Variants in KLK10 observed in about 807,000 individuals in gnomAD.
KLK10 encodes the protein kallikrein-10.
A neutral mutation model predicts 25.7 loss-of-function variants in KLK10; 27 were observed. That is an observed-to-expected ratio of 1.05 (90% confidence interval 0.77 to 1.45). KLK10 has a LOEUF of 1.45. Among genes scored for constraint, KLK10 ranks in the 40% most tolerant of loss-of-function variants. The pLI, the probability that KLK10 is intolerant of heterozygous loss-of-function variation, is 0.00. For synonymous variants in KLK10, 173 were observed against 160.1 expected, an observed-to-expected ratio of 1.08 and a Z score of -0.61; for missense variants, 386 against 370.0, an observed-to-expected ratio of 1.04 and a Z score of -0.35.
chr19:51,019,978 G>C (rs1256937753), upstream of KLK10: 1 of 152,136 alleles, frequency 6.6e-6, no homozygotes, highest in Non-Finnish European at 1.5e-5. The surrounding 1 kb of genome is among the most constrained non-coding windows in gnomAD (Gnocchi z 4.2). Context: ...GGCTTCCCAG[G>C]CGCGGGGAGA....
chr19:51,017,407 G>A lies in KLK10; in HGVS notation c.89-117C>T, dbSNP rs888327266. 1.5e-5 allele frequency: 14 copies of A among 903,320 alleles called. No homozygotes were observed. In the African/African-American group the frequency reaches 2.2e-4, roughly 14 times the overall value. 56.0% of individuals were successfully genotyped at this position (903,320 alleles called of 1,614,324 possible). ...GACGGGGGACGCAGCCAGAACGCGA[G>A]GGTGGTAGGGAAATATTGGGGGTTT... is the stretch of plus-strand genomic sequence containing the variant. On this transcript the variant is annotated intron_variant, in intron 2 of 5. Transcript: ENST00000358789.
intron 2 of KLK10, 115 bp downstream of exon 2, chr19:51,018,927 TG>T: frequency 1.3e-6 from 1 of 766,662 alleles, no homozygotes; most frequent in Non-Finnish European, 2.1e-6. Flanking sequence ...GAGCGCTGGG[TG>T]GGTGCTGGGG....
Position 51,013,787 on chromosome 19 carries a change from A to G in KLK10, c.*1013T>C, listed in dbSNP as rs965353706. 6.5e-6 allele frequency: 1 copy of G among 153,666 alleles called. No individual in the cohort carries two copies. The highest frequency in any genetic ancestry group is 2.4e-5 in the African/African-American group (1 of 41,420). The allele number at this position is 153,666 out of a possible 1,614,324, so 9.5% of individuals were successfully genotyped here. ...GTATTAACTCCCCTTCCCTCCCCCA[A>G]TTTCAGGGAGAATCAAACAATTCCT... On this transcript the variant is annotated 3_prime_UTR_variant, in exon 6 of 6. Coordinates refer to ENST00000358789, the MANE Select transcript of KLK10 (RefSeq NM_145888.3).
rs3745536 is a variant in KLK10 at position 51,017,373 on chromosome 19, G to A, written c.89-83C>T. The A allele has an allele frequency of 3.3e-3, 4,350 of 1,300,184 alleles. 105 individuals are homozygous for A. The East Asian group carries it at 0.069, about 21-fold the overall frequency. 80.5% of individuals were successfully genotyped at this position (1,300,184 alleles called of 1,614,324 possible). A position where few individuals can be genotyped will look rare whatever the true frequency, so the allele number is the denominator to read the frequency against. On this transcript the variant is annotated intron_variant, in intron 2 of 5. Coordinates refer to ENST00000358789, the MANE Select transcript of KLK10 (RefSeq NM_145888.3). Reference sequence around the variant, plus strand: ...TGGAGCTGGGCTGTGGCACTGGACTGCGTTCGGGGACGGGGGACGCAGCCA... The same window carrying A: ...TGGAGCTGGGCTGTGGCACTGGACTACGTTCGGGGACGGGGGACGCAGCCA...
At chr19:51,015,360 C>T in intron 5 of KLK10, 57 bp downstream of exon 5, 1 of 1,586,834 alleles carries the variant, frequency 6.3e-7, no homozygotes, top group Non-Finnish European at 8.6e-7. Flanking sequence ...GCTCTTTTCC[C>T]ATAACCTCCC....
chr19:51,015,886 C>T lies in KLK10; in HGVS notation c.540G>A (p.Arg180=). The part of the protein sequence containing the change: ...QVAGWGTTAA[R]RVKYNKGLTC... ...CCTCAGAGCCCCAGCTCTTGCCTCT[C>T]CGGGCGGCCGTGGTGCCCCAGCCAG... Residue 180 remains arginine, a synonymous_variant, in exon 4 of 6, where the codon CGG becomes CGA. Coordinates refer to ENST00000358789, the MANE Select transcript of KLK10 (RefSeq NM_145888.3). The T allele has an allele frequency of 6.5e-7, 1 of 1,545,182 alleles. No individual in the cohort carries two copies. Among genetic ancestry groups the T allele is most frequent in the South Asian group, 1.2e-5 (1 of 83,298 alleles).
chr19:51,014,918 G>T lies in KLK10; in HGVS notation c.713C>A (p.Thr238Asn). 6.2e-7 allele frequency: 1 copy of T among 1,613,996 alleles called. No individual in the cohort carries two copies. Among genetic ancestry groups the T allele is most frequent in the Non-Finnish European group, 8.5e-7 (1 of 1,179,970 alleles). Reference sequence around the variant, plus strand: ...ACCCCACGAGAGGATGCCTTGGAGGGTCTCGTCACAGACCAGGGGGCCTCC... The same window carrying T: ...ACCCCACGAGAGGATGCCTTGGAGGTTCTCGTCACAGACCAGGGGGCCTCC... ...DSGGPLVCDE[T>N]LQGILSWGVY... The change falls in exon 6 of 6, where the codon ACC becomes AAC. Residue 238 changes from threonine (T) to asparagine (N), a missense_variant. Thr to Asn is a moderately conservative substitution (Grantham distance 65). Coordinates refer to ENST00000358789, the MANE Select transcript of KLK10 (RefSeq NM_145888.3).
Position 51,019,179 on chromosome 19 carries a change from C to G in KLK10, c.-9-40G>C, listed in dbSNP as rs2091377041. The G allele has an allele frequency of 2.9e-6, 4 of 1,371,748 alleles. No homozygotes were observed. The highest frequency in any genetic ancestry group is 2.5e-5 in the South Asian group (2 of 80,218). The allele number at this position is 1,371,748 out of a possible 1,614,324, so 85.0% of individuals were successfully genotyped here. A position where few individuals can be genotyped will look rare whatever the true frequency, so the allele number is the denominator to read the frequency against. On this transcript the variant is annotated intron_variant, in intron 1 of 5. Transcript: ENST00000358789. This position sits in a 1 kb window ranked among gnomAD's most constrained non-coding sequence, Gnocchi z 4.2. ...GCAGGGGCGGGTTAAAACAGATGCTCCGTTAGAGACCCCCACCTCGCCGCG... is the reference window on the plus strand; with the variant it reads ...GCAGGGGCGGGTTAAAACAGATGCTGCGTTAGAGACCCCCACCTCGCCGCG...
chr19:51,018,180 A>G (rs1253289135), intron 2 of KLK10, among the ~76,000 whole-genome samples: 2 of 138,208 alleles, frequency 1.4e-5, no homozygotes, highest in Admixed American at 7.6e-5. Context: ...AAAAAAAAAA[A>G]AAAAAAGAAG....
chr19:51,015,604 GC>G, intron 4 of KLK10, 54 bp from the exon 5 acceptor site: 1 of 1,574,050 alleles, frequency 6.4e-7, no homozygotes, highest in Non-Finnish European at 8.7e-7. Context: ...TCCTTGGGGA[GC>G]CAGGAGTCCA....
upstream of KLK10, chr19:51,019,826 T>C (rs1431670168): frequency 6.9e-6 from 1 of 145,352 alleles, no homozygotes; most frequent in Non-Finnish European, 1.5e-5. This position sits in a 1 kb window ranked among gnomAD's most constrained non-coding sequence, Gnocchi z 4.2. Context: ...GTACCGTGGG[T>C]GAGGCTGGCA....
intron 4 of KLK10, 65 bp from the exon 5 acceptor site, chr19:51,015,615 A>G: frequency 6.4e-7 from 1 of 1,552,686 alleles, no homozygotes. Context: ...CCAGGAGTCC[A>G]GATACAAGAC....
intron 4 of KLK10, 108 bp downstream of exon 4, chr19:51,015,774 C>G: frequency 8.0e-7 from 1 of 1,246,304 alleles, no homozygotes. Flanking sequence ...AGCCCGTCCT[C>G]CCTCAGATCC....
chr19:51,015,624 AC>A (rs2091316181), intron 4 of KLK10, 74 bp from the exon 5 acceptor site: 4 of 1,520,180 alleles, frequency 2.6e-6, no homozygotes, highest in Non-Finnish European at 3.6e-6. Flanking sequence ...CAGATACAAG[AC>A]CGTTTCTATC....
rs755105316 is a variant in KLK10, at chr19:51,019,093, C to A, written c.38G>T (p.Gly13Val). The A allele has an allele frequency of 6.2e-7, 1 of 1,609,154 alleles. No individual in the cohort carries two copies. Among genetic ancestry groups the A allele is most frequent in the East Asian group, 2.2e-5 (1 of 44,804 alleles). ...APHLHLSAAS[G>V]ARALAKLLPL... ...CAGCAGCTTCGCCAGAGCCCGGGCG[C>A]CAGAGGCGGCGGAGAGGTGGAGGTG... The change falls in exon 2 of 6, where the codon GGC (glycine) becomes GTC (valine). Residue 13 changes from glycine (G) to valine (V), a missense_variant. By Grantham distance (109) the Gly-to-Val change is moderately radical. Transcript: ENST00000358789. This position sits in a 1 kb window ranked among gnomAD's most constrained non-coding sequence, Gnocchi z 4.2.
intron 2 of KLK10, 182 bp downstream of exon 2, chr19:51,018,861 C>T (rs1274900277): frequency 9.9e-6 from 6 of 606,868 alleles, no homozygotes; most frequent in Admixed American, 2.8e-5. Context: ...GGGCGGGTCA[C>T]CCAGGGGCCG....
chr19:51,015,487 A>G lies in KLK10; in HGVS notation c.608T>C (p.Val203Ala), dbSNP rs2091313337. Residue 203 changes from valine (V) to alanine (A), a missense_variant, in exon 5 of 6, where the codon GTC becomes GCC. Val to Ala is a moderately conservative substitution (Grantham distance 64). Transcript: ENST00000358789. The stretch of plus-strand genomic sequence containing the variant: ...GTTGGTGACCACGCCAGGGTAGAAG[A>G]CCTCACACTCTTTAGGGCTCAGGAT... ...ITILSPKECE[V>A]FYPGVVTNNM... 6.2e-7 allele frequency: 1 copy of G among 1,613,546 alleles called. No homozygotes were observed. The highest frequency in any genetic ancestry group is 8.5e-7 in the Non-Finnish European group (1 of 1,179,818).
chr19:51,019,284 G>A lies in KLK10; in HGVS notation c.-9-145C>T. On this transcript the variant is annotated intron_variant, in intron 1 of 5. Coordinates refer to ENST00000358789, the MANE Select transcript of KLK10 (RefSeq NM_145888.3). This position sits in a 1 kb window ranked among gnomAD's most constrained non-coding sequence, Gnocchi z 4.2. ...CCGATAACCCCAGGGGCTGGCAGAC[G>A]GGAGATTCGGGCTGGAACAGCGGTA... is the stretch of plus-strand genomic sequence containing the variant. 7 of 577,512 alleles carry A rather than the reference G, an allele frequency of 1.2e-5. No individual in the cohort carries two copies. The East Asian group carries it at 2.1e-4, about 18-fold the overall frequency. The allele number at this position is 577,512 out of a possible 1,614,324, so 35.8% of individuals were successfully genotyped here.
intron 2 of KLK10, among the ~76,000 whole-genome samples, chr19:51,018,205 G>A (rs1296396801): frequency 2.1e-4 from 15 of 69,934 alleles, no homozygotes; most frequent in Non-Finnish European, 2.3e-4. Context: ...GAAAAAGAGA[G>A]AGAAAGAAAA....
Sources: gnomAD v4.1 joint callset for allele counts (sites outside exome capture counted in the v4.1 genomes callset) on GRCh38, gnomAD v4.1.1 for gene constraint, Gnocchi (gnomAD v3.1) non-coding constraint, MANE v1.5 for transcripts, NCBI Gene and HGNC (gene_info 2026-07-23, HGNC 2026-07-21) for gene names.